UGT1A1: variants seen among roughly 807,000 people sequenced by gnomAD.
UGT1A1 encodes the protein UDP glucuronosyltransferase family 1 member A1.
A neutral mutation model predicts 40.6 loss-of-function variants in UGT1A1; 33 were observed. The observed-to-expected ratio is 0.81, with a 90% CI of 0.62 to 1.09. UGT1A1 has a LOEUF of 1.09. Among genes scored for constraint, UGT1A1 ranks in the 50% least tolerant of loss-of-function variants. The pLI, the probability that UGT1A1 is intolerant of heterozygous loss-of-function variation, is 0.00. For missense variants in UGT1A1, 694 were observed against 671.2 expected (o/e 1.03, Z -0.38); for synonymous variants, 249 against 265.0 (o/e 0.94, Z 0.59).
chr2:233,761,173 T>C (rs771182197), intron 1 of UGT1A1, 22 bp downstream of exon 1: 2 of 1,614,246 alleles, frequency 1.2e-6, no homozygotes, highest in South Asian at 2.2e-5. Context: ...AGTGGGACTT[T>C]TACATGCGTA....
intron 1 of UGT1A1, among the ~76,000 whole-genome samples, chr2:233,764,578 C>T (rs146266932): frequency 2.0e-4 from 31 of 152,244 alleles, no homozygotes; most frequent in African/African-American, 6.5e-4. Flanking sequence ...AACTTAGACT[C>T]GGCCTTTTCC....
intron 1 of UGT1A1, among the ~76,000 whole-genome samples, chr2:233,766,746 G>A (rs1202459280): frequency 2.0e-5 from 3 of 152,150 alleles, no homozygotes; most frequent in Non-Finnish European, 4.4e-5. Context: ...GTACAGGTGT[G>A]TGCATGTGTG....
rs781623948 is a variant in UGT1A1, at chr2:233,772,355, G to A, written c.1398G>A (p.Met466Ile). ...CCGTGTTCTGGGTGGAGTTTGTGAT[G>A]AGGCACAAGGGCGCGCCACACCTGC... Reference protein sequence around the residue: ...DLAVFWVEFVMRHKGAPHLRP... With the variant: ...DLAVFWVEFVIRHKGAPHLRP... The change falls in exon 5 of 5, where the codon ATG (methionine) becomes ATA (isoleucine). Residue 466 changes from methionine to isoleucine, a missense_variant. Met to Ile is a conservative substitution (Grantham distance 10, BLOSUM62 1). Coordinates refer to ENST00000305208, the MANE Select transcript of UGT1A1 (RefSeq NM_000463.3). 1 of 1,614,130 alleles carries A rather than the reference G, an allele frequency of 6.2e-7. No homozygotes were observed. Among genetic ancestry groups the A allele is most frequent in the Non-Finnish European group, 8.5e-7 (1 of 1,180,056 alleles).
intron 1 of UGT1A1, among the ~76,000 whole-genome samples, chr2:233,764,766 A>C (rs1389982241): frequency 6.6e-6 from 1 of 152,156 alleles, no homozygotes; most frequent in Non-Finnish European, 1.5e-5. Flanking sequence ...CTAGGGAGGA[A>C]GGAGTTCAGA....
chr2:233,767,127 A>G lies in UGT1A1; in HGVS notation c.958A>G (p.Met320Val), dbSNP rs749159613. 5.0e-6 allele frequency: 8 copies of G among 1,614,028 alleles called. No homozygotes were observed. Among genetic ancestry groups the G allele is most frequent in the South Asian group, 2.2e-5 (2 of 91,084 alleles). The change falls in exon 2 of 5, where the codon ATG (methionine) becomes GTG (valine). Residue 320 changes from methionine (M) to valine (V), a missense_variant. Met to Val is a conservative substitution (Grantham distance 21). Coordinates refer to ENST00000305208, the MANE Select transcript of UGT1A1 (RefSeq NM_000463.3). Reference sequence around the variant, plus strand: ...CTCAGAAATTCCAGAGAAGAAAGCTATGGCAATTGCTGATGCTTTGGGCAA... The same window carrying G: ...CTCAGAAATTCCAGAGAAGAAAGCTGTGGCAATTGCTGATGCTTTGGGCAA... The part of the protein sequence containing the change: ...MVSEIPEKKA[M>V]AIADALGKIP...
chr2:233,771,982 G>T (rs1700430504), intron 4 of UGT1A1, among the ~76,000 whole-genome samples: 2 of 152,206 alleles, frequency 1.3e-5, no homozygotes, highest in South Asian at 4.1e-4. Context: ...AGACATAGTG[G>T]TGCATGACTA....
Position 233,760,643 on chromosome 2 carries a change from ACT to A in UGT1A1, c.359_360del (p.Ser120CysfsTer26). 6.2e-7 allele frequency: 1 copy of A among 1,614,148 alleles called. No individual in the cohort carries two copies. The highest frequency in any genetic ancestry group is 8.5e-7 in the Non-Finnish European group (1 of 1,180,028). ...AAAACATACAAGAAAATAAAAAAGGACTCTGCTATGCTTTTGTCTGGCTGTTC... is the reference window on the plus strand; with the variant it reads ...AAAACATACAAGAAAATAAAAAAGGACTGCTATGCTTTTGTCTGGCTGTTC... On this transcript the variant is annotated frameshift_variant, in exon 1 of 5. Transcript: ENST00000305208. LOFTEE classifies it high-confidence loss of function.
Position 233,772,398 on chromosome 2 carries a change from C to T in UGT1A1, c.1441C>T (p.Leu481Phe), listed in dbSNP as rs1433976375. 2.5e-6 allele frequency: 4 copies of T among 1,614,118 alleles called. No homozygotes were observed. The highest frequency in any genetic ancestry group is 3.4e-6 in the Non-Finnish European group (4 of 1,180,050). Residue 481 changes from leucine to phenylalanine, a missense_variant, in exon 5 of 5, where the codon CTC (leucine) becomes TTC (phenylalanine). Physicochemically the swap from Leu to Phe is conservative, Grantham distance 22. Transcript: ENST00000305208. Reference protein sequence around the residue: ...APHLRPAAHDLTWYQYHSLDV... With the variant: ...APHLRPAAHDFTWYQYHSLDV... The stretch of plus-strand genomic sequence containing the variant: ...ACACCTGCGCCCCGCAGCCCACGAC[C>T]TCACCTGGTACCAGTACCATTCCTT...
Position 233,760,705 on chromosome 2 carries a change from C to T in UGT1A1, c.418C>T (p.Leu140=). Residue 140 remains leucine, a synonymous_variant, in exon 1 of 5, where the codon CTG becomes TTG. Transcript: ENST00000305208. ...LLHNKELMAS[L]AESSFDVMLT... ...GCACAACAAGGAGCTCATGGCCTCC[C>T]TGGCAGAAAGCAGCTTTGATGTCAT... is the stretch of plus-strand genomic sequence containing the variant. The T allele has an allele frequency of 1.2e-6, 2 of 1,614,220 alleles. No individual in the cohort carries two copies. Among genetic ancestry groups the T allele is most frequent in the Non-Finnish European group, 1.7e-6 (2 of 1,180,046 alleles).
chr2:233,763,358 T>G (rs1698289277), intron 1 of UGT1A1, among the ~76,000 whole-genome samples: 1 of 152,246 alleles, frequency 6.6e-6, no homozygotes, highest in Admixed American at 6.5e-5. Context: ...TCTTTAGTAC[T>G]CCTTTGTCTT....
intron 2 of UGT1A1, 103 bp downstream of exon 2, chr2:233,767,268 G>C: frequency 6.3e-7 from 1 of 1,584,094 alleles, no homozygotes; most frequent in Non-Finnish European, 8.5e-7. Flanking sequence ...CCTTAGATTT[G>C]GCTTTTCCCT....
At chr2:233,766,543 C>T (rs1171060177) in intron 1 of UGT1A1, among the ~76,000 whole-genome samples, 8 of 152,170 alleles carry the variant, frequency 5.3e-5, no homozygotes, top group Admixed American at 5.2e-4. Flanking sequence ...AACAAAAATG[C>T]CTGTCCTCAC....
In UGT1A1 at chr2:233,769,728, GCCTGT is replaced by G. The variant is rs1290172672; in HGVS notation, c.1304+1290_1304+1294del. The G allele has an allele frequency of 6.8e-7, 1 of 1,472,430 alleles. No individual in the cohort carries two copies. Among genetic ancestry groups the G allele is most frequent in the African/African-American group, 1.4e-5 (1 of 71,662 alleles). 91.2% of individuals were successfully genotyped at this position (1,472,430 alleles called of 1,614,324 possible). A position where few individuals can be genotyped will look rare whatever the true frequency, so the allele number is the denominator to read the frequency against. On this transcript the variant is annotated intron_variant, in intron 4 of 4. Coordinates refer to ENST00000305208, the MANE Select transcript of UGT1A1 (RefSeq NM_000463.3). This position sits in a 1 kb window ranked among gnomAD's most constrained non-coding sequence, Gnocchi z 4.4. ...ATGTTGGCTAGGCACCATGGCACAC[GCCTGT>G]AGTCCCAGCCACTCTGGAGGCTAAG...
Position 233,761,079 on chromosome 2 carries a change from C to T in UGT1A1, c.792C>T (p.Tyr264=). 1 of 1,614,120 alleles carries T rather than the reference C, an allele frequency of 6.2e-7. No homozygotes were observed. The highest frequency in any genetic ancestry group is 8.5e-7 in the Non-Finnish European group (1 of 1,180,028). The part of the protein sequence containing the change: ...WLFRSDFVKD[Y]PRPIMPNMVF... ...TTAGAAGTGACTTTGTGAAGGATTA[C>T]CCTAGGCCCATCATGCCCAATATGG... Residue 264 remains tyrosine (Y), a synonymous_variant, in exon 1 of 5, where the codon TAC becomes TAT. Transcript: ENST00000305208.
At chr2:233,762,211 C>A (rs1050554515) in intron 1 of UGT1A1, among the ~76,000 whole-genome samples, 4 of 152,108 alleles carry the variant, frequency 2.6e-5, no homozygotes, top group Non-Finnish European at 5.9e-5. Context: ...GTATTTGGCG[C>A]CCCATAAATC....
Position 233,772,366 on chromosome 2 carries a change from G to T in UGT1A1, c.1409G>T (p.Gly470Val). Residue 470 changes from glycine (G) to valine (V), a missense_variant, in exon 5 of 5, where the codon GGC (glycine) becomes GTC (valine). Physicochemically the swap from Gly to Val is moderately radical, Grantham distance 109. Transcript: ENST00000305208. ...GTGGAGTTTGTGATGAGGCACAAGG[G>T]CGCGCCACACCTGCGCCCCGCAGCC... ...FWVEFVMRHK[G>V]APHLRPAAHD... The T allele has an allele frequency of 6.2e-7, 1 of 1,614,234 alleles. No individual in the cohort carries two copies. The highest frequency in any genetic ancestry group is 8.5e-7 in the Non-Finnish European group (1 of 1,180,048).
chr2:233,762,242 T>C (rs1400660032), intron 1 of UGT1A1, among the ~76,000 whole-genome samples: 1 of 152,116 alleles, frequency 6.6e-6, no homozygotes, highest in Non-Finnish European at 1.5e-5. Flanking sequence ...AGGCACAGAA[T>C]AGGCACCCAC....
chr2:233,772,775 T>C lies in UGT1A1; in HGVS notation c.*216T>C, dbSNP rs1450071408. On this transcript the variant is annotated 3_prime_UTR_variant, in exon 5 of 5. Transcript: ENST00000305208. ...AATATGTATCGTGCCCCCTCTGGTG[T>C]CTTTGATCAGGATGACATGTGCCAT... 2 of 1,313,948 alleles carry C rather than the reference T, an allele frequency of 1.5e-6. No homozygotes were observed. Among genetic ancestry groups the C allele is most frequent in the East Asian group, 2.7e-5 (1 of 37,564 alleles). 81.4% of individuals were successfully genotyped at this position (1,313,948 alleles called of 1,614,324 possible).
chr2:233,767,788 G>C (rs527533927), intron 2 of UGT1A1, 61 bp from the exon 3 acceptor site: 33 of 1,613,882 alleles, frequency 2.0e-5, no homozygotes, highest in East Asian at 4.5e-5. Flanking sequence ...TAGTATAGCA[G>C]ATTTGTTTTC....
Sources: allele counts gnomAD v4.1 joint callset (sites outside exome capture counted in the v4.1 genomes callset), GRCh38; gene constraint gnomAD v4.1.1; non-coding constraint Gnocchi (gnomAD v3.1); transcripts MANE v1.5; gene names NCBI Gene and HGNC (gene_info 2026-07-23, HGNC 2026-07-21).